The following FAM161A variants were observed in gnomAD, a reference collection of about 807,000 sequenced individuals.
The protein encoded by FAM161A is protein FAM161A.
FAM161A carries 57 observed loss-of-function variants against 70.9 expected under a neutral mutation model. The observed-to-expected ratio is 0.80, with a 90% CI of 0.65 to 1.00. FAM161A has a LOEUF of 1.00. FAM161A is among the 50% of genes least tolerant of loss of function. FAM161A has a pLI of 0.00. For synonymous variants in FAM161A, 299 were observed against 295.7 expected, an observed-to-expected ratio of 1.01 and a Z score of -0.12; for missense variants, 880 against 836.0, an observed-to-expected ratio of 1.05 and a Z score of -0.65.
chr2:61,824,613 A>C (rs1672284033), downstream of FAM161A, among the ~76,000 whole-genome samples: 1 of 151,844 alleles, frequency 6.6e-6, no homozygotes, highest in Admixed American at 6.6e-5. Flanking sequence ...TTTTTTTTAA[A>C]GGTAAGAAAA....
chr2:61,838,583 T>C lies in FAM161A; in HGVS notation c.1706A>G (p.His569Arg). 6.2e-7 allele frequency: 1 copy of C among 1,612,244 alleles called. No individual in the cohort carries two copies. ...LTTRAKAYDSHQSLAQISKSR... is the reference protein window; with the variant it reads ...LTTRAKAYDSRQSLAQISKSR... Reference sequence around the variant, plus strand: ...TTTAGATATTTGAGCTAAACTTTGATGTGAGTCATAAGCCTTAGCCCGGGT... The same window carrying C: ...TTTAGATATTTGAGCTAAACTTTGACGTGAGTCATAAGCCTTAGCCCGGGT... Residue 569 changes from histidine (H) to arginine (R), a missense_variant, in exon 4 of 7, where the codon CAT becomes CGT. Transcript: ENST00000404929.
chr2:61,833,674 T>C (rs1672668171), intron 5 of FAM161A, among the ~76,000 whole-genome samples: 1 of 151,890 alleles, frequency 6.6e-6, no homozygotes, highest in Non-Finnish European at 1.5e-5. Context: ...AAAAGAACAG[T>C]TGAAAGAATG....
chr2:61,812,435 C>G, the FAM161A span, among the ~76,000 whole-genome samples: 15,538 of 152,170 alleles, frequency 0.1, 932 homozygotes, highest in Middle Eastern at 0.2. Flanking sequence ...ACATTCCATA[C>G]TTTAGTCCAG....
chr2:61,828,059 A>G (rs1401284575), intron 5 of FAM161A, among the ~76,000 whole-genome samples: 1 of 152,218 alleles, frequency 6.6e-6, no homozygotes, highest in Non-Finnish European at 1.5e-5. Context: ...CACACACTGT[A>G]AAATTGCAAA....
intron 1 of FAM161A, among the ~76,000 whole-genome samples, 197 bp downstream of exon 1, chr2:61,853,662 A>C (rs2105110572): frequency 6.6e-6 from 1 of 152,328 alleles, no homozygotes; most frequent in East Asian, 1.9e-4. Context: ...GTGAAAATTA[A>C]AACACTTTTC....
the FAM161A span, among the ~76,000 whole-genome samples, chr2:61,805,832 GT>G: frequency 8.7e-5 from 13 of 149,712 alleles, no homozygotes; most frequent in East Asian, 3.9e-4. Flanking sequence ...TTATTGCTAG[GT>G]TTTTTTTTTC....
chr2:61,824,021 GTCTT>G (rs1474254178), downstream of FAM161A, among the ~76,000 whole-genome samples: 4 of 150,894 alleles, frequency 2.7e-5, no homozygotes, highest in African/African-American at 9.7e-5. Flanking sequence ...TCAATTTGAT[GTCTT>G]TTTTTTCTTT....
chr2:61,848,133 T>C (rs1673297090), intron 1 of FAM161A, among the ~76,000 whole-genome samples: 1 of 152,212 alleles, frequency 6.6e-6, no homozygotes, highest in Non-Finnish European at 1.5e-5. Context: ...CTCTTAAAAA[T>C]CATGTCTTAT....
At chr2:61,813,730 AAAAAAG>A in the FAM161A span, among the ~76,000 whole-genome samples, 8,183 of 149,178 alleles carry the variant, frequency 0.055, 253 homozygotes, top group Non-Finnish European at 0.062. Flanking sequence ...AAAAAAAAAA[AAAAAAG>A]AAAAAAGAAA....
the FAM161A span, chr2:61,803,230 C>A: frequency 6.6e-6 from 4 of 603,846 alleles, no homozygotes; most frequent in Non-Finnish European, 1.2e-5. Context: ...TAAGACCACA[C>A]TGGATGTCAT....
the FAM161A span, among the ~76,000 whole-genome samples, chr2:61,802,786 A>G: frequency 2.0e-5 from 3 of 152,192 alleles, no homozygotes; most frequent in East Asian, 5.8e-4. Context: ...CGGGTACAGT[A>G]ATTCGCAAGA....
chr2:61,851,867 A>C (rs552974797), intron 1 of FAM161A, among the ~76,000 whole-genome samples: 1 of 152,274 alleles, frequency 6.6e-6, no homozygotes, highest in South Asian at 2.1e-4. Context: ...CAAAGAGCTG[A>C]AAGAGGCCTA....
chr2:61,836,103 G>A lies in FAM161A; in HGVS notation c.1758C>T (p.Ser586=), dbSNP rs766470938. Residue 586 remains serine, a synonymous_variant, in exon 5 of 7, where the codon AGC becomes AGT. Transcript: ENST00000404929. ...SKSRVKCLRK[S]EKERMREYQR... ...GGTATTCTCTCATCCTTTCCTTTTCGCTCTTTCTAAAATTAAAGAAAAGCA... is the reference window on the plus strand; with the variant it reads ...GGTATTCTCTCATCCTTTCCTTTTCACTCTTTCTAAAATTAAAGAAAAGCA... The A allele has an allele frequency of 1.6e-5, 25 of 1,598,658 alleles. No individual in the cohort carries two copies. The Middle Eastern group carries it at 6.7e-4, about 43-fold the overall frequency.
At chr2:61,844,947 G>T (rs2105091739) in intron 1 of FAM161A, among the ~76,000 whole-genome samples, 1 of 152,306 alleles carries the variant, frequency 6.6e-6, no homozygotes, top group South Asian at 2.1e-4. Context: ...GACAAAGTTT[G>T]CCAGATCAGG....
At position 61,842,274 on chromosome 2, in the gene FAM161A, G is replaced by A. The variant is rs778899250; in HGVS notation, c.270C>T (p.His90=). The part of the protein sequence containing the change: ...EDFVNFPDIH[H]SNEEYFKKVE... Reference sequence around the variant, plus strand: ...CTTTCTTGAAATACTCCTCATTAGAGTGGTGAATATCAGGAAAGTTCACAA... The same window carrying A: ...CTTTCTTGAAATACTCCTCATTAGAATGGTGAATATCAGGAAAGTTCACAA... The change falls in exon 2 of 7, where the codon CAC becomes CAT. Residue 90 remains histidine (H), a synonymous_variant. Transcript: ENST00000404929. 3 of 1,612,916 alleles carry A rather than the reference G, an allele frequency of 1.9e-6. No homozygotes were observed. Among genetic ancestry groups the A allele is most frequent in the African/African-American group, 1.3e-5 (1 of 74,888 alleles).
intron 5 of FAM161A, among the ~76,000 whole-genome samples, chr2:61,834,218 G>A (rs1572868781): frequency 1.3e-5 from 2 of 152,076 alleles, no homozygotes; most frequent in African/African-American, 4.8e-5. Flanking sequence ...GGATACAGCT[G>A]GAAGCCATTA....
chr2:61,825,028 T>G lies in FAM161A; in HGVS notation c.*1427A>C, dbSNP rs576741916. The G allele has an allele frequency of 1.1e-5, 5 of 453,662 alleles. No homozygotes were observed. Among genetic ancestry groups the G allele is most frequent in the African/African-American group, 8.0e-5 (4 of 50,106 alleles). The allele number at this position is 453,662 out of a possible 1,614,324, so 28.1% of individuals were successfully genotyped here. ...GTAGGAAGAAAATTACAAGTAAACA[T>G]TTGCCCCTGATGGAGAAAAATGACC... On this transcript the variant is annotated 3_prime_UTR_variant, in exon 7 of 7. Coordinates refer to ENST00000404929, the MANE Select transcript of FAM161A (RefSeq NM_001201543.2).
rs377215266 is a variant in FAM161A at position 61,853,940 on chromosome 2, G to T, written c.102C>A (p.Asp34Glu). The T allele has an allele frequency of 6.2e-7, 1 of 1,613,790 alleles. No homozygotes were observed. ...GARVAQYERE[D>E]PLKALAAAEA... ...CCGCTGCCGCCAGGGCCTTTAAGGG[G>T]TCTTCGCGTTCGTACTGGGCGACCC... is the stretch of plus-strand genomic sequence containing the variant. The change falls in exon 1 of 7, where the codon GAC becomes GAA. Residue 34 changes from aspartate (D) to glutamate (E), a missense_variant. Transcript: ENST00000404929.
downstream of FAM161A, among the ~76,000 whole-genome samples, chr2:61,824,621 A>T (rs1322094395): frequency 2.0e-5 from 3 of 152,148 alleles, no homozygotes; most frequent in Non-Finnish European, 4.4e-5. Context: ...AAAGGTAAGA[A>T]AACAAGATTG....
Sources: gnomAD v4.1 joint callset for allele counts (sites outside exome capture counted in the v4.1 genomes callset) on GRCh38, gnomAD v4.1.1 for gene constraint, MANE v1.5 for transcripts, NCBI Gene and HGNC (gene_info 2026-07-23, HGNC 2026-07-21) for gene names.